The following C19orf38 variants were observed in gnomAD, a reference collection of about 807,000 sequenced individuals.
C19orf38 encodes chromosome 19 open reading frame 38, also known as protein HIDE1.
Under a neutral mutation model 26.6 loss-of-function variants are expected in C19orf38, and 14 were observed. That is an observed-to-expected ratio of 0.53 (90% CI 0.35 to 0.82). The LOEUF (loss-of-function observed/expected upper bound fraction) is 0.82, where lower values mean the gene tolerates loss of function less well. Ranked by LOEUF, C19orf38 falls within the 40% of genes least tolerant of loss-of-function variation. The probability of loss-of-function intolerance (pLI) is 0.01; values close to 1 mark genes in which losing one functional copy is unlikely to be tolerated. For synonymous variants in C19orf38, 132 were observed against 128.5 expected (o/e 1.03, Z -0.18); for missense variants, 261 against 299.5 (o/e 0.87, Z 0.95).
chr19:10,855,030 C>CTTT (rs33999724), intron 2 of C19orf38, among the ~76,000 whole-genome samples: 167 of 77,748 alleles, frequency 2.1e-3, no homozygotes, highest in African/African-American at 3.1e-3. Flanking sequence ...GATATATATT[C>CTTT]TTTTTTTTTT....
At chr19:10,868,512 T>A (rs1053089307) in intron 6 of C19orf38, among the ~76,000 whole-genome samples, 7 of 152,146 alleles carry the variant, frequency 4.6e-5, no homozygotes, top group African/African-American at 1.2e-4. Flanking sequence ...ACTATTTATT[T>A]TTTATTTATT....
chr19:10,839,026 C>T (rs578014676), intron 1 of C19orf38, among the ~76,000 whole-genome samples: 53 of 152,072 alleles, frequency 3.5e-4, no homozygotes, highest in African/African-American at 1.1e-3. Context: ...GGGATTCTCC[C>T]GCCTCAGTAG....
At chr19:10,836,730 C>A (rs1162475354) in exon 1 of C19orf38, 1 of 152,884 alleles carries the variant, frequency 6.5e-6, no homozygotes, top group Non-Finnish European at 1.5e-5. Flanking sequence ...CCAGGTTCGA[C>A]GCCTTTTGCG....
intron 6 of C19orf38, among the ~76,000 whole-genome samples, chr19:10,863,658 AC>A (rs2073724992): frequency 6.6e-6 from 1 of 151,196 alleles, no homozygotes; most frequent in African/African-American, 2.4e-5. Context: ...GCGGTGACTC[AC>A]GTCTGTAATC....
At chr19:10,861,641 G>A (rs958522919) in intron 5 of C19orf38, among the ~76,000 whole-genome samples, 7 of 152,064 alleles carry the variant, frequency 4.6e-5, no homozygotes, top group Middle Eastern at 6.8e-3. Flanking sequence ...GCAGTGGCAC[G>A]ATCTCAGCTT....
intron 2 of C19orf38, among the ~76,000 whole-genome samples, chr19:10,855,322 C>T (rs565571717): frequency 2.0e-5 from 3 of 151,384 alleles, no homozygotes; most frequent in African/African-American, 4.8e-5. Context: ...CGTGAGCCAC[C>T]GTGCCCAGCC....
At chr19:10,839,995 T>G (rs1240374302) in intron 1 of C19orf38, among the ~76,000 whole-genome samples, 4 of 152,202 alleles carry the variant, frequency 2.6e-5, no homozygotes, top group African/African-American at 4.8e-5. Flanking sequence ...GCGCTGAGAT[T>G]ACAGTTGTGA....
rs371497767 is a variant in C19orf38, at chr19:10,858,398, C to A, written c.461+55C>A. 54 of 1,492,126 alleles carry A rather than the reference C, an allele frequency of 3.6e-5. No individual in the cohort carries two copies. In the African/African-American group the frequency reaches 6.6e-4, roughly 18 times the overall value. 92.4% of individuals were successfully genotyped at this position (1,492,126 alleles called of 1,614,324 possible). ...GTGGTTTGGGGAAAGAAGGACACTT[C>A]CCTGGCAGGGTGGGCACTCCATGCC... is the stretch of plus-strand genomic sequence containing the variant. On this transcript the variant is annotated intron_variant, in intron 4 of 6. Coordinates refer to ENST00000397820, the MANE Select transcript of C19orf38 (RefSeq NM_001136482.3).
At chr19:10,867,815 G>A (rs1188497369) in intron 6 of C19orf38, among the ~76,000 whole-genome samples, 3 of 151,154 alleles carry the variant, frequency 2.0e-5, no homozygotes, top group Non-Finnish European at 4.4e-5. Flanking sequence ...ACCATGCCCG[G>A]CTAATTTTTG....
chr19:10,856,278 C>A lies in C19orf38; in HGVS notation c.354C>A (p.Ile118=), dbSNP rs2073624170. ...ATTTTCCTCCAGTGCCCACTTGGAT[C>A]TTGGTGCTCTCCCTGAGCCTGGCTG... ...VNVSFPVPTW[I]LVLSLSLAGA... The change falls in exon 3 of 7, where the codon ATC becomes ATA. Residue 118 remains isoleucine (I), a synonymous_variant. Transcript: ENST00000397820. 1.3e-6 allele frequency: 2 copies of A among 1,551,050 alleles called. No individual in the cohort carries two copies. Among genetic ancestry groups the A allele is most frequent in the African/African-American group, 1.4e-5 (1 of 73,026 alleles).
At chr19:10,862,799 A>T in intron 5 of C19orf38, among the ~76,000 whole-genome samples, 1 of 152,094 alleles carries the variant, frequency 6.6e-6, no homozygotes, top group East Asian at 1.9e-4. Context: ...ATTGCACTCC[A>T]GCCTGGGCAA....
chr19:10,866,357 A>ATTTTTTTTTTT (rs71164128), intron 6 of C19orf38, among the ~76,000 whole-genome samples: 7 of 125,644 alleles, frequency 5.6e-5, no homozygotes, highest in African/African-American at 6.0e-5. Flanking sequence ...TGCCCAGCTA[A>ATTTTTTTTTTT]TTTTTTTTTT....
intron 1 of C19orf38, chr19:10,841,816 A>AT: frequency 8.0e-7 from 1 of 1,257,316 alleles, no homozygotes; most frequent in Non-Finnish European, 1.2e-6. Context: ...CCACAAAAAC[A>AT]TTTTTTAAAA....
chr19:10,866,127 C>A lies in C19orf38; in HGVS notation c.543+2920C>A, dbSNP rs181649833. ...GATCTTGGCTCACTGCAACCTCCCCCCCTGGGTTCAAGTGATTCTCCTGCC... is the reference window on the plus strand; with the variant it reads ...GATCTTGGCTCACTGCAACCTCCCCACCTGGGTTCAAGTGATTCTCCTGCC... On this transcript the variant is annotated intron_variant, in intron 6 of 6. Coordinates refer to ENST00000397820, the MANE Select transcript of C19orf38 (RefSeq NM_001136482.3). Among the ~76,000 whole-genome samples, 269 of 151,720 alleles carry A rather than the reference C, an allele frequency of 1.8e-3. 1 individual carries two copies. The highest frequency in any genetic ancestry group is 3.0e-3 in the Non-Finnish European group (205 of 67,912).
In C19orf38 at chr19:10,869,425, A is replaced by G. The variant is rs1232617852; in HGVS notation, c.*58A>G. ...GCATTCGGGGGCCTGAGGTCCCTCC[A>G]GCTACTTCTGGGGGGGCTCTGTCAG... On this transcript the variant is annotated 3_prime_UTR_variant, in exon 7 of 7. Transcript: ENST00000397820. 5 of 1,489,754 alleles carry G rather than the reference A, an allele frequency of 3.4e-6. No homozygotes were observed. The African/African-American group carries it at 5.7e-5, about 17-fold the overall frequency. 92.3% of individuals were successfully genotyped at this position (1,489,754 alleles called of 1,614,324 possible). A position where few individuals can be genotyped will look rare whatever the true frequency, so the allele number is the denominator to read the frequency against.
chr19:10,866,820 T>C (rs1254486691), intron 6 of C19orf38, among the ~76,000 whole-genome samples: 1 of 152,030 alleles, frequency 6.6e-6, no homozygotes, highest in African/African-American at 2.4e-5. Context: ...TTTGTATTTT[T>C]AGTAGATACA....
At chr19:10,843,496 G>T (rs1253598555), upstream of C19orf38, among the ~76,000 whole-genome samples, 1 of 152,226 alleles carries the variant, frequency 6.6e-6, no homozygotes, top group Non-Finnish European at 1.5e-5. Context: ...GACTCTCCTT[G>T]TCTTCTTGTC....
intron 5 of C19orf38, among the ~76,000 whole-genome samples, chr19:10,862,201 GTTT>G (rs566409872): frequency 2.5e-5 from 3 of 120,910 alleles, no homozygotes; most frequent in African/African-American, 6.2e-5. Flanking sequence ...CGCCCAGCCT[GTTT>G]TTTTTTTTTT....
intron 2 of C19orf38, among the ~76,000 whole-genome samples, chr19:10,851,860 C>T (rs1020596180): frequency 6.7e-6 from 1 of 150,356 alleles, no homozygotes; most frequent in African/African-American, 2.4e-5. Context: ...CCCAGCTACT[C>T]GGGAGGCTGA....
Sources: gnomAD v4.1 joint callset for allele counts (sites outside exome capture counted in the v4.1 genomes callset) on GRCh38, gnomAD v4.1.1 for gene constraint, MANE v1.5 for transcripts, NCBI Gene and HGNC (gene_info 2026-07-23, HGNC 2026-07-21) for gene names.